Variants in NKAIN3 observed in about 807,000 individuals in gnomAD.
NKAIN3 encodes the protein sodium/potassium transporting ATPase interacting 3.
NKAIN3 carries 25 observed loss-of-function variants against 30.2 expected under a neutral mutation model. That is an observed-to-expected ratio of 0.83 (90% CI 0.60 to 1.16). The LOEUF is 1.16. NKAIN3 is among the 50% of genes most tolerant of loss of function. The pLI is 0.00. For synonymous variants in NKAIN3, 91 were observed against 89.6 expected, an observed-to-expected ratio of 1.02 and a Z score of -0.09; for missense variants, 225 against 254.1, an observed-to-expected ratio of 0.89 and a Z score of 0.78.
At chr8:62,997,795 G>A (rs1336899652) in intron 5 of NKAIN3, among the ~76,000 whole-genome samples, 1 of 151,212 alleles carries the variant, frequency 6.6e-6, no homozygotes, top group African/African-American at 2.4e-5. Flanking sequence ...AACAATGTAT[G>A]GTGAGTGTGT....
At chr8:62,345,282 C>T (rs901514041) in intron 1 of NKAIN3, among the ~76,000 whole-genome samples, 4 of 148,844 alleles carry the variant, frequency 2.7e-5, no homozygotes, top group Admixed American at 6.8e-5. Context: ...CACATATACA[C>T]GCACATATAC....
intron 3 of NKAIN3, among the ~76,000 whole-genome samples, chr8:62,713,678 C>G (rs1479010782): frequency 7.2e-5 from 11 of 152,102 alleles, no homozygotes; most frequent in Non-Finnish European, 1.5e-4. Flanking sequence ...TATATTGAGA[C>G]TTGTTATTTC....
At chr8:62,786,397 T>C (rs1817518566) in intron 4 of NKAIN3, among the ~76,000 whole-genome samples, 1 of 152,108 alleles carries the variant, frequency 6.6e-6, no homozygotes, top group Non-Finnish European at 1.5e-5. Flanking sequence ...GGATAATCAG[T>C]ACTTTCCAGT....
At chr8:62,459,484 C>T (rs1805923708) in intron 1 of NKAIN3, among the ~76,000 whole-genome samples, 2 of 152,128 alleles carry the variant, frequency 1.3e-5, no homozygotes, top group African/African-American at 2.4e-5. Context: ...CTATTCTAAG[C>T]ACTGTGGATG....
intron 1 of NKAIN3, among the ~76,000 whole-genome samples, chr8:62,500,026 T>A (rs1035322994): frequency 6.6e-6 from 1 of 152,156 alleles, no homozygotes; most frequent in Non-Finnish European, 1.5e-5. Flanking sequence ...TGACATCAAC[T>A]ACAGTGAACC....
intron 1 of NKAIN3, among the ~76,000 whole-genome samples, chr8:62,262,817 T>C (rs1812485330): frequency 6.6e-6 from 1 of 152,196 alleles, no homozygotes; most frequent in African/African-American, 2.4e-5. Flanking sequence ...TGGTCATCTA[T>C]TATTAATATG....
intron 3 of NKAIN3, among the ~76,000 whole-genome samples, chr8:62,684,674 C>G (rs1336667846): frequency 6.6e-6 from 1 of 152,172 alleles, no homozygotes; most frequent in African/African-American, 2.4e-5. Flanking sequence ...TGTTGAAGCC[C>G]TAATCTCCAG....
At chr8:62,593,367 G>T (rs1008249022) in intron 3 of NKAIN3, among the ~76,000 whole-genome samples, 3 of 151,842 alleles carry the variant, frequency 2.0e-5, no homozygotes, top group Non-Finnish European at 4.4e-5. Context: ...CTTCTTTGTG[G>T]ATGAATTCCT....
intron 1 of NKAIN3, among the ~76,000 whole-genome samples, chr8:62,339,576 A>G (rs749176559): frequency 2.0e-5 from 3 of 152,058 alleles, no homozygotes; most frequent in Non-Finnish European, 4.4e-5. Flanking sequence ...TAAATTAAAA[A>G]GGCAAGGGTT....
chr8:62,319,724 C>T (rs1814803344), intron 1 of NKAIN3, among the ~76,000 whole-genome samples: 1 of 152,150 alleles, frequency 6.6e-6, no homozygotes, highest in Non-Finnish European at 1.5e-5. Flanking sequence ...TGTTCTTTCA[C>T]ATTTGCTGAG....
chr8:62,750,163 G>T (rs568709096), intron 4 of NKAIN3, among the ~76,000 whole-genome samples: 307 of 152,126 alleles, frequency 2.0e-3, no homozygotes, highest in African/African-American at 6.6e-3. Context: ...GGGCTCGGCG[G>T]CTCTGCTGCA....
chr8:62,386,909 A>G (rs1251318722), intron 1 of NKAIN3, among the ~76,000 whole-genome samples: 1 of 132,574 alleles, frequency 7.5e-6, no homozygotes, highest in Non-Finnish European at 1.6e-5. Context: ...TTCCGAATTG[A>G]TATATGAGAG....
intron 1 of NKAIN3, among the ~76,000 whole-genome samples, chr8:62,348,928 T>C (rs1433899502): frequency 6.6e-6 from 1 of 152,166 alleles, no homozygotes. Context: ...GTGCCTGACT[T>C]TCAGAAAATT....
At chr8:62,672,655 C>T (rs1198697662) in intron 3 of NKAIN3, among the ~76,000 whole-genome samples, 1 of 152,188 alleles carries the variant, frequency 6.6e-6, no homozygotes, top group Admixed American at 6.5e-5. Flanking sequence ...CTTAGACAGG[C>T]ACTGACCATG....
At chr8:62,291,021 T>C (rs887351626) in intron 1 of NKAIN3, among the ~76,000 whole-genome samples, 2 of 152,240 alleles carry the variant, frequency 1.3e-5, no homozygotes, top group Admixed American at 1.3e-4. Flanking sequence ...CTAGTTTATT[T>C]GAATAGAGGT....
At chr8:62,422,555 A>G (rs576236304) in intron 1 of NKAIN3, among the ~76,000 whole-genome samples, 1 of 152,262 alleles carries the variant, frequency 6.6e-6, no homozygotes, top group Non-Finnish European at 1.5e-5. Context: ...CGCAAATGGC[A>G]GATAAATAGC....
At chr8:62,363,934 T>C (rs1366080186) in intron 1 of NKAIN3, among the ~76,000 whole-genome samples, 4 of 152,232 alleles carry the variant, frequency 2.6e-5, no homozygotes, top group African/African-American at 9.6e-5. Context: ...AGTCTCTTTC[T>C]ATTGTGCAAT....
At chr8:62,669,909 A>G (rs186089406) in intron 3 of NKAIN3, among the ~76,000 whole-genome samples, 4 of 152,280 alleles carry the variant, frequency 2.6e-5, no homozygotes, top group African/African-American at 9.6e-5. Flanking sequence ...CTTGATTTTT[A>G]AAATGATATA....
chr8:62,661,290 A>T (rs749467963), intron 3 of NKAIN3, among the ~76,000 whole-genome samples: 4 of 152,158 alleles, frequency 2.6e-5, no homozygotes, highest in Non-Finnish European at 5.9e-5. Flanking sequence ...TTGGTAATGC[A>T]CTTTTCTGTC....
Sources: allele counts gnomAD v4.1 joint callset (sites outside exome capture counted in the v4.1 genomes callset), GRCh38; gene constraint gnomAD v4.1.1; transcripts MANE v1.5; gene names NCBI Gene and HGNC (gene_info 2026-07-23, HGNC 2026-07-21).